The following CTNNA1 variants were observed in gnomAD, a reference collection of about 807,000 sequenced individuals.
CTNNA1 encodes the protein catenin alpha 1, also known as catenin alpha-1.
A neutral mutation model predicts 98.4 loss-of-function variants in CTNNA1; 37 were observed. That is an observed-to-expected ratio of 0.38 (90% CI 0.29 to 0.49). The LOEUF (loss-of-function observed/expected upper bound fraction) is 0.49, where lower values mean the gene tolerates loss of function less well. CTNNA1 is among the 20% of genes least tolerant of loss of function. The pLI is 0.95. For missense variants in CTNNA1, 761 were observed against 1,147.2 expected (o/e 0.66, Z 4.86); for synonymous variants, 404 against 413.2 (o/e 0.98, Z 0.27).
chr5:138,809,732 A>C (rs1461712489), intron 3 of CTNNA1, among the ~76,000 whole-genome samples: 2 of 151,856 alleles, frequency 1.3e-5, no homozygotes, highest in African/African-American at 4.9e-5. Flanking sequence ...TTTTGGATAC[A>C]TATAATGCCC....
intron 9 of CTNNA1, among the ~76,000 whole-genome samples, chr5:138,888,902 T>C (rs1450759757): frequency 6.6e-6 from 1 of 152,222 alleles, no homozygotes; most frequent in African/African-American, 2.4e-5. Flanking sequence ...CGTGCATTAC[T>C]AATTTTACAT....
chr5:138,887,731 T>G, intron 9 of CTNNA1, 89 bp downstream of exon 9: 1 of 1,103,250 alleles, frequency 9.1e-7, no homozygotes, highest in Non-Finnish European at 1.3e-6. Context: ...TTAAAATTTG[T>G]AAGGGCTCGC....
intron 7 of CTNNA1, among the ~76,000 whole-genome samples, chr5:138,848,275 G>C (rs932544163): frequency 1.3e-5 from 2 of 152,236 alleles, no homozygotes; most frequent in African/African-American, 4.8e-5. Context: ...CATCATGGTT[G>C]CAAGTGTATA....
At chr5:138,821,770 A>G (rs1355264013) in intron 5 of CTNNA1, among the ~76,000 whole-genome samples, 1 of 152,176 alleles carries the variant, frequency 6.6e-6, no homozygotes, top group Non-Finnish European at 1.5e-5. Context: ...GGGTTGGTGA[A>G]GTTGGGGATT....
At chr5:138,933,671 C>A in intron 17 of CTNNA1, 131 bp from the exon 18 acceptor site, 1 of 902,104 alleles carries the variant, frequency 1.1e-6, no homozygotes, top group Non-Finnish European at 1.6e-6. Flanking sequence ...GGCTGCTGCC[C>A]AATCCTCTGC....
Position 138,835,035 on chromosome 5 carries a change from G to A in CTNNA1, c.1062+7317G>A, listed in dbSNP as rs28745576. 6.6e-4 allele frequency among the ~76,000 whole-genome samples: 101 copies of A among 152,204 alleles called. 1 individual carries two copies. Among genetic ancestry groups the A allele is most frequent in the African/African-American group, 2.3e-3 (96 of 41,498 alleles). ...AGAGTACCTTCTTAAGGGCAGGGGAGGATATTACAAAGTACTTTCTCAAGG... is the reference window on the plus strand; with the variant it reads ...AGAGTACCTTCTTAAGGGCAGGGGAAGATATTACAAAGTACTTTCTCAAGG... On this transcript the variant is annotated intron_variant, in intron 7 of 17. Coordinates refer to ENST00000302763, the MANE Select transcript of CTNNA1 (RefSeq NM_001903.5).
intron 7 of CTNNA1, among the ~76,000 whole-genome samples, chr5:138,864,877 C>T (rs430654): frequency 0.65 from 99,019 of 151,862 alleles, 33,011 homozygotes; most frequent in East Asian, 0.93. Flanking sequence ...TGCAGTGGCG[C>T]GATCTCGGCT....
chr5:138,811,101 G>A (rs1458556766), intron 4 of CTNNA1, among the ~76,000 whole-genome samples: 1 of 151,648 alleles, frequency 6.6e-6, no homozygotes. Flanking sequence ...CCGGGCGGAG[G>A]GGCTCCTCAT....
chr5:138,813,652 A>ATC (rs1759083757), intron 5 of CTNNA1, among the ~76,000 whole-genome samples: 1 of 152,066 alleles, frequency 6.6e-6, no homozygotes, highest in Non-Finnish European at 1.5e-5. Context: ...GAGGCAGGAG[A>ATC]TCTCACTCTG....
chr5:138,881,519 T>G (rs946769769), intron 7 of CTNNA1, among the ~76,000 whole-genome samples: 2 of 152,224 alleles, frequency 1.3e-5, no homozygotes, highest in African/African-American at 4.8e-5. Flanking sequence ...AGCTGCTAGT[T>G]TCCCTTAGTT....
intron 1 of CTNNA1, chr5:138,753,873 CTCG>C (rs1751294213): frequency 6.3e-6 from 1 of 159,514 alleles, no homozygotes; most frequent in South Asian, 2.0e-4. Context: ...TTACCGCGGC[CTCG>C]GCGCGCGCGG....
intron 1 of CTNNA1, among the ~76,000 whole-genome samples, chr5:138,775,509 T>C (rs539945133): frequency 6.6e-6 from 1 of 152,258 alleles, no homozygotes; most frequent in Non-Finnish European, 1.5e-5. Flanking sequence ...CCCCTATCTC[T>C]AGTGATTCTA....
chr5:138,903,757 C>T (rs1432548104), intron 9 of CTNNA1, among the ~76,000 whole-genome samples: 1 of 152,190 alleles, frequency 6.6e-6, no homozygotes, highest in Non-Finnish European at 1.5e-5. Flanking sequence ...AACTATGAAA[C>T]ATAACCAGTT....
chr5:138,840,365 A>C (rs1289032470), intron 7 of CTNNA1, among the ~76,000 whole-genome samples: 2 of 152,180 alleles, frequency 1.3e-5, no homozygotes, highest in African/African-American at 4.8e-5. Flanking sequence ...GCATCTAATC[A>C]TAGCTGACAG....
At chr5:138,872,929 G>C (rs1750816216) in intron 7 of CTNNA1, 1 of 992,166 alleles carries the variant, frequency 1.0e-6, no homozygotes, top group Non-Finnish European at 1.4e-6. Context: ...TGTCACCATT[G>C]GTAAAAATTA....
chr5:138,809,026 C>G (rs1758400739), intron 3 of CTNNA1, among the ~76,000 whole-genome samples: 1 of 151,884 alleles, frequency 6.6e-6, no homozygotes, highest in African/African-American at 2.4e-5. Context: ...GTTCTATCAC[C>G]CACGCTAGAG....
At chr5:138,791,787 C>CTTTTTTTT (rs1168548486) in intron 3 of CTNNA1, among the ~76,000 whole-genome samples, 1 of 92,262 alleles carries the variant, frequency 1.1e-5, no homozygotes, top group Admixed American at 1.3e-4. Flanking sequence ...GTTTTCTCAG[C>CTTTTTTTT]TTTTTTTTTT....
intron 5 of CTNNA1, among the ~76,000 whole-genome samples, chr5:138,819,226 T>G (rs1759765129): frequency 6.6e-6 from 1 of 152,056 alleles, no homozygotes; most frequent in Admixed American, 6.5e-5. Flanking sequence ...TGGTGGAGCT[T>G]GGCAGTATCC....
In CTNNA1 at chr5:138,933,979, A is replaced by AAGAG. The variant is rs1266085029; in HGVS notation, c.2617_2620dup (p.Lys874ArgfsTer5). The AAGAG allele has an allele frequency of 6.2e-7, 1 of 1,614,148 alleles. No homozygotes were observed. Among genetic ancestry groups the AAGAG allele is most frequent in the East Asian group, 2.2e-5 (1 of 44,884 alleles). On this transcript the variant is annotated frameshift_variant, in exon 18 of 18. Coordinates refer to ENST00000302763, the MANE Select transcript of CTNNA1 (RefSeq NM_001903.5). LOFTEE classifies it high-confidence loss of function. ...GGCACCAGAGAAAAAGCCATTGGTG[A>AAGAG]AGAGAGAGAAACAGGATGAGACACA... is the stretch of plus-strand genomic sequence containing the variant.
Sources: gnomAD v4.1 joint callset for allele counts (sites outside exome capture counted in the v4.1 genomes callset) on GRCh38, gnomAD v4.1.1 for gene constraint, MANE v1.5 for transcripts, NCBI Gene and HGNC (gene_info 2026-07-23, HGNC 2026-07-21) for gene names.